Variants in STOX2 observed in about 807,000 individuals in gnomAD.
STOX2 encodes the protein storkhead box 2, also known as storkhead-box protein 2.
Under a neutral mutation model 60.9 loss-of-function variants are expected in STOX2, and 28 were observed. That is an observed-to-expected ratio of 0.46 (90% confidence interval 0.34 to 0.63). STOX2 has a LOEUF of 0.63. Ranked by LOEUF, STOX2 falls within the 30% of genes least tolerant of loss-of-function variation. STOX2 has a pLI of 0.01. For missense variants in STOX2, 1,024 were observed against 1,187.7 expected (o/e 0.86, Z 2.03); for synonymous variants, 472 against 463.9 (o/e 1.02, Z -0.22).
rs199927723 is a variant in STOX2, at chr4:183,860,448, A to AC, written c.364+62393_364+62394insC. Reference sequence around the variant, plus strand: ...ACAAACAAAAAACAAAAAACAAAAAAAAAAAAAAAAGAAGAAAAAGAAGAA... The same window carrying AC: ...ACAAACAAAAAACAAAAAACAAAAAACAAAAAAAAAAGAAGAAAAAGAAGAA... On this transcript the variant is annotated intron_variant, in intron 1 of 2. Transcript: ENST00000513034. Among the ~76,000 whole-genome samples, 214 of 138,358 alleles carry AC rather than the reference A, an allele frequency of 1.5e-3. 2 individuals are homozygous for AC. In the East Asian group the frequency reaches 0.029, roughly 19 times the overall value. 90.8% of individuals were successfully genotyped at this position (138,358 alleles called of 152,430 possible). A position where few individuals can be genotyped will look rare whatever the true frequency, so the allele number is the denominator to read the frequency against.
intron 1 of STOX2, among the ~76,000 whole-genome samples, chr4:183,921,453 A>AG: frequency 6.6e-6 from 1 of 152,330 alleles, no homozygotes; most frequent in East Asian, 1.9e-4. Flanking sequence ...ACAAAAAAAA[A>AG]GTGTCCTGTG....
chr4:183,939,812 A>C (rs1275367017), intron 1 of STOX2, among the ~76,000 whole-genome samples: 1 of 152,204 alleles, frequency 6.6e-6, no homozygotes, highest in Non-Finnish European at 1.5e-5. Context: ...GCAAGATGAC[A>C]TAATGGCGAA....
At chr4:183,952,662 C>T (rs1415016187) in intron 1 of STOX2, among the ~76,000 whole-genome samples, 2 of 152,168 alleles carry the variant, frequency 1.3e-5, no homozygotes, top group Non-Finnish European at 2.9e-5. Context: ...TTGTGGAGCA[C>T]CAATTTTGTG....
At chr4:183,868,222 G>T (rs1740616199) in intron 1 of STOX2, among the ~76,000 whole-genome samples, 1 of 152,018 alleles carries the variant, frequency 6.6e-6, no homozygotes, top group African/African-American at 2.4e-5. Flanking sequence ...GACATTTTTA[G>T]AAAGGAGGCC....
intron 1 of STOX2, among the ~76,000 whole-genome samples, chr4:183,918,554 A>G (rs1009274091): frequency 6.6e-6 from 1 of 152,238 alleles, no homozygotes; most frequent in African/African-American, 2.4e-5. Context: ...TTGCAGAAGC[A>G]CAGTTGAGAG....
intron 1 of STOX2, among the ~76,000 whole-genome samples, chr4:183,900,091 T>C (rs557607066): frequency 1.3e-5 from 2 of 152,318 alleles, no homozygotes; most frequent in African/African-American, 4.8e-5. Flanking sequence ...CACATCTGGT[T>C]ACAACATGGT....
chr4:183,995,831 C>T (rs191630959), intron 1 of STOX2, among the ~76,000 whole-genome samples: 4 of 152,292 alleles, frequency 2.6e-5, no homozygotes, highest in South Asian at 2.1e-4. Context: ...CTGAACCTGC[C>T]GCAGCTCCCC....
At chr4:183,876,472 G>A (rs1050296550) in intron 1 of STOX2, among the ~76,000 whole-genome samples, 1 of 152,204 alleles carries the variant, frequency 6.6e-6, no homozygotes, top group Non-Finnish European at 1.5e-5. Flanking sequence ...GGTATTCCTT[G>A]TTTATGGTAT....
upstream of STOX2, among the ~76,000 whole-genome samples, chr4:183,903,262 A>G (rs1270162981): frequency 2.0e-5 from 3 of 152,020 alleles, no homozygotes; most frequent in African/African-American, 7.2e-5. Context: ...CTGTGCTCCA[A>G]TTTCAGCCAC....
At position 183,906,609 on chromosome 4, in the gene STOX2, G is replaced by A; in HGVS notation, c.-182G>A. 1.7e-6 allele frequency: 1 copy of A among 598,438 alleles called. No homozygotes were observed. The highest frequency in any genetic ancestry group is 2.9e-6 in the Non-Finnish European group (1 of 349,852). The allele number at this position is 598,438 out of a possible 1,614,324, so 37.1% of individuals were successfully genotyped here. On this transcript the variant is annotated 5_prime_UTR_variant, in exon 1 of 4. Transcript: ENST00000308497. ...TGTAAAATCGGAGCCTTCGCCGTGG[G>A]GGTGTGGGGGGGCGTGGGGAGGGCC...
chr4:183,837,710 C>T (rs192101662), intron 1 of STOX2, among the ~76,000 whole-genome samples: 132 of 152,304 alleles, frequency 8.7e-4, no homozygotes, highest in Non-Finnish European at 1.0e-3. Flanking sequence ...CCCCCTGCCT[C>T]AGCCTCCCAA....
chr4:183,828,779 T>C (rs2111118304), intron 1 of STOX2, among the ~76,000 whole-genome samples: 1 of 152,356 alleles, frequency 6.6e-6, no homozygotes, highest in Admixed American at 6.5e-5. Context: ...TCACTTTGTT[T>C]GGGGGACCTT....
At chr4:183,834,199 C>T (rs990752061) in intron 1 of STOX2, among the ~76,000 whole-genome samples, 1 of 152,066 alleles carries the variant, frequency 6.6e-6, no homozygotes, top group Non-Finnish European at 1.5e-5. Context: ...CCTTTTGTTT[C>T]TCTGTCACAG....
At chr4:183,846,512 G>T (rs1739994278) in intron 1 of STOX2, among the ~76,000 whole-genome samples, 1 of 152,018 alleles carries the variant, frequency 6.6e-6, no homozygotes, top group African/African-American at 2.4e-5. Context: ...CTTCAAGTTT[G>T]CTGATTCTTT....
At chr4:183,967,457 G>A (rs1008886971) in intron 1 of STOX2, among the ~76,000 whole-genome samples, 1 of 152,086 alleles carries the variant, frequency 6.6e-6, no homozygotes, top group Admixed American at 6.5e-5. Flanking sequence ...TCGAGAAAGT[G>A]AGTGGTGCAA....
chr4:183,876,532 A>T (rs1387120265), intron 1 of STOX2, among the ~76,000 whole-genome samples: 1 of 152,236 alleles, frequency 6.6e-6, no homozygotes, highest in Non-Finnish European at 1.5e-5. Context: ...TAAAAGTGAA[A>T]GTAGTTAGTC....
At position 183,856,580 on chromosome 4, in the gene STOX2, C is replaced by T. The variant is rs1740290595; in HGVS notation, c.364+58525C>T. ...CTTGTCTAAAAGCCGTCCCTGCTCT[C>T]AGCCACCTGCCCCTGGCTGACTGCA... is the stretch of plus-strand genomic sequence containing the variant. On this transcript the variant is annotated intron_variant, in intron 1 of 2. Transcript: ENST00000513034. This position sits in a 1 kb window ranked among gnomAD's most constrained non-coding sequence, Gnocchi z 4.0. Among the ~76,000 whole-genome samples, 1 of 152,180 alleles carries T rather than the reference C, an allele frequency of 6.6e-6. No individual in the cohort carries two copies. The highest frequency in any genetic ancestry group is 2.4e-5 in the African/African-American group (1 of 41,462).
At position 183,813,706 on chromosome 4, in the gene STOX2, A is replaced by G. The variant is rs148826042; in HGVS notation, c.364+15651A>G. Among the ~76,000 whole-genome samples the G allele has an allele frequency of 1.6e-3, 240 of 152,302 alleles. 3 individuals are homozygous for G. Among genetic ancestry groups the G allele is most frequent in the African/African-American group, 5.5e-3 (227 of 41,562 alleles). On this transcript the variant is annotated intron_variant, in intron 1 of 2. Transcript: ENST00000513034. ...TTTATATTTTCGAGCTCAGTTTTCT[A>G]TGTAATGTGGATCTATAAGTATTAC...
intron 1 of STOX2, among the ~76,000 whole-genome samples, chr4:183,979,623 A>G (rs1732576790): frequency 6.6e-6 from 1 of 152,194 alleles, no homozygotes; most frequent in Non-Finnish European, 1.5e-5. Context: ...ATTAGGAACT[A>G]ACAGTATTAG....
Sources: gnomAD v4.1 joint callset for allele counts (sites outside exome capture counted in the v4.1 genomes callset) on GRCh38, gnomAD v4.1.1 for gene constraint, Gnocchi (gnomAD v3.1) non-coding constraint, MANE v1.5 for transcripts, NCBI Gene and HGNC (gene_info 2026-07-23, HGNC 2026-07-21) for gene names.